Variants in SYNE2 observed in about 807,000 individuals in gnomAD.
The protein encoded by SYNE2 is spectrin repeat containing nuclear envelope protein 2.
Under a neutral mutation model 856.3 loss-of-function variants are expected in SYNE2, and 431 were observed. That is an observed-to-expected ratio of 0.50 (90% confidence interval 0.47 to 0.55). SYNE2 has a LOEUF of 0.55. Among genes scored for constraint, SYNE2 ranks in the 20% least tolerant of loss-of-function variants. The pLI is 0.00. For synonymous variants in SYNE2, 2,923 were observed against 2,872.3 expected, an observed-to-expected ratio of 1.02 and a Z score of -0.56; for missense variants, 8,129 against 8,023.2, an observed-to-expected ratio of 1.01 and a Z score of -0.50.
chr14:64,004,942 T>C (rs1047199245), intron 30 of SYNE2, among the ~76,000 whole-genome samples: 1 of 152,008 alleles, frequency 6.6e-6, no homozygotes, highest in Non-Finnish European at 1.5e-5. Flanking sequence ...TTGAACAGGG[T>C]AATCAGGGAA....
At chr14:64,163,613 C>G in intron 89 of SYNE2, 32 bp downstream of exon 89, 1 of 1,612,416 alleles carries the variant, frequency 6.2e-7, no homozygotes, top group Non-Finnish European at 8.5e-7. Context: ...AAGTTTTAGT[C>G]TTAGACATTT....
At position 64,143,791 on chromosome 14, in the gene SYNE2, A is replaced by T. The variant is rs769864781; in HGVS notation, c.15326A>T (p.Asp5109Val). The T allele has an allele frequency of 6.2e-7, 1 of 1,614,188 alleles. No homozygotes were observed. The highest frequency in any genetic ancestry group is 1.7e-5 in the Admixed American group (1 of 60,028). The change falls in exon 83 of 116, where the codon GAC (aspartate) becomes GTC (valine). Residue 5109 changes from aspartate to valine, a missense_variant. Physicochemically the swap from Asp to Val is radical, Grantham distance 152. Coordinates refer to ENST00000555002, the MANE Select transcript of SYNE2 (RefSeq NM_182914.3). ...TTTTAGGAGTTTAGAATGGAAATGG[A>T]CTATAAACAGTGGATAGTTGACTTC... Reference protein sequence around the residue: ...QKHKEFRMEMDYKQWIVDFVN... With the variant: ...QKHKEFRMEMVYKQWIVDFVN...
In SYNE2 at chr14:64,175,016, C is replaced by G; in HGVS notation, c.17308C>G (p.Leu5770Val). Residue 5770 changes from leucine to valine, a missense_variant, in exon 95 of 116, where the codon CTC (leucine) becomes GTC (valine). Physicochemically the swap from Leu to Val is conservative, Grantham distance 32 (BLOSUM62 1). Coordinates refer to ENST00000555002, the MANE Select transcript of SYNE2 (RefSeq NM_182914.3). ...CTTGGAAGCTGGAGAAAAGTTACTG[C>G]TCACAACTGACCTGAAAACTAAAGA... ...LTLEAGEKLL[L>V]TTDLKTKESV... is the part of the protein sequence containing the mutation. 1 of 1,614,138 alleles carries G rather than the reference C, an allele frequency of 6.2e-7. No individual in the cohort carries two copies. Among genetic ancestry groups the G allele is most frequent in the Non-Finnish European group, 8.5e-7 (1 of 1,180,022 alleles).
intron 1 of SYNE2, among the ~76,000 whole-genome samples, chr14:63,812,864 A>T (rs1342110822): frequency 2.6e-5 from 4 of 152,198 alleles, no homozygotes; most frequent in Admixed American, 2.0e-4. Context: ...AAACCTGCAC[A>T]TTCTGCACAT....
At chr14:63,966,561 T>C (rs1173860054) in intron 10 of SYNE2, among the ~76,000 whole-genome samples, 3 of 149,276 alleles carry the variant, frequency 2.0e-5, no homozygotes, top group Non-Finnish European at 4.4e-5. Context: ...TCAGTAACTC[T>C]TTTTTTTCCC....
chr14:63,913,466 C>CTTT (rs200165004), intron 2 of SYNE2, among the ~76,000 whole-genome samples: 10 of 139,598 alleles, frequency 7.2e-5, no homozygotes, highest in African/African-American at 1.3e-4. Flanking sequence ...TTCTTTCTTT[C>CTTT]TTTTTTTTTT....
At chr14:63,824,586 C>G (rs1486394947) in intron 1 of SYNE2, among the ~76,000 whole-genome samples, 3 of 149,850 alleles carry the variant, frequency 2.0e-5, no homozygotes, top group Non-Finnish European at 4.4e-5. Context: ...TTGCAGTGAG[C>G]TGAGATGGCA....
At chr14:64,036,853 G>A (rs1245827940) in intron 45 of SYNE2, among the ~76,000 whole-genome samples, 1 of 152,148 alleles carries the variant, frequency 6.6e-6, no homozygotes, top group Non-Finnish European at 1.5e-5. Flanking sequence ...AGGCAGTGAG[G>A]ATCCCCACAT....
rs547921491 is a variant in SYNE2, at chr14:63,992,371, G to T, written c.2646+1256G>T. Among the ~76,000 whole-genome samples the T allele has an allele frequency of 3.6e-3, 540 of 152,102 alleles. 2 individuals are homozygous for T. The highest frequency in any genetic ancestry group is 5.4e-3 in the Non-Finnish European group (370 of 67,996). On this transcript the variant is annotated intron_variant, in intron 21 of 115. Transcript: ENST00000555002. ...AGCTCACTGCAGCCTCCAACTCCTGGGCTCAAGCTATCCTCCTGCCTCAGC... is the reference window on the plus strand; with the variant it reads ...AGCTCACTGCAGCCTCCAACTCCTGTGCTCAAGCTATCCTCCTGCCTCAGC...
chr14:64,136,146 T>G lies in SYNE2; in HGVS notation c.14647-1641T>G, dbSNP rs796719778. Among the ~76,000 whole-genome samples the G allele has an allele frequency of 8.6e-5, 13 of 151,998 alleles. No homozygotes were observed. The East Asian group carries it at 1.9e-3, about 23-fold the overall frequency. On this transcript the variant is annotated intron_variant, in intron 78 of 115. Transcript: ENST00000555002. ...CTCTACTAAAAATACAAAAATTAGCTGGGTGTGGTGGCACGTGCCTATAAT... is the reference window on the plus strand; with the variant it reads ...CTCTACTAAAAATACAAAAATTAGCGGGGTGTGGTGGCACGTGCCTATAAT...
intron 2 of SYNE2, 94 bp downstream of exon 2, chr14:63,909,321 G>A: frequency 2.6e-6 from 2 of 764,418 alleles, no homozygotes; most frequent in East Asian, 2.5e-5. Flanking sequence ...TCTCTCTTAT[G>A]GAGATAAATA....
chr14:64,094,863 T>G (rs1388637034), intron 61 of SYNE2, among the ~76,000 whole-genome samples: 1 of 152,208 alleles, frequency 6.6e-6, no homozygotes, highest in African/African-American at 2.4e-5. Flanking sequence ...CACTACATAT[T>G]AATAGGAATA....
intron 1 of SYNE2, among the ~76,000 whole-genome samples, chr14:63,767,343 C>T (rs1200769346): frequency 1.3e-5 from 2 of 152,084 alleles, no homozygotes; most frequent in African/African-American, 4.8e-5. Flanking sequence ...CTCCTGACCT[C>T]AAGTAATCCG....
At chr14:64,073,749 C>T (rs370553222) in intron 52 of SYNE2, among the ~76,000 whole-genome samples, 6 of 152,064 alleles carry the variant, frequency 3.9e-5, no homozygotes, top group African/African-American at 9.7e-5. Context: ...GTATTTGAGG[C>T]GAAAGATTTG....
At position 63,976,501 on chromosome 14, in the gene SYNE2, G is replaced by A. The variant is rs181747876; in HGVS notation, c.1129-62G>A. Reference sequence around the variant, plus strand: ...TCAAAGAATCAAACATACTGTATGTGAAGAAATAAACTAGAAAAGTTCTAC... The same window carrying A: ...TCAAAGAATCAAACATACTGTATGTAAAGAAATAAACTAGAAAAGTTCTAC... On this transcript the variant is annotated intron_variant, in intron 11 of 115. Coordinates refer to ENST00000555002, the MANE Select transcript of SYNE2 (RefSeq NM_182914.3). 2.3e-5 allele frequency: 36 copies of A among 1,545,706 alleles called. No homozygotes were observed. The East Asian group carries it at 7.9e-4, about 34-fold the overall frequency.
intron 48 of SYNE2, among the ~76,000 whole-genome samples, chr14:64,055,518 G>A (rs955257403): frequency 4.0e-5 from 6 of 151,696 alleles, no homozygotes; most frequent in African/African-American, 7.3e-5. Context: ...ACAGGCGCGC[G>A]CCACCACACC....
chr14:63,978,618 G>A (rs970857991), intron 13 of SYNE2, among the ~76,000 whole-genome samples: 1 of 152,126 alleles, frequency 6.6e-6, no homozygotes, highest in Non-Finnish European at 1.5e-5. Flanking sequence ...TCGGAGAATA[G>A]TTTATTCAGA....
intron 39 of SYNE2, 64 bp from the exon 40 acceptor site, chr14:64,024,848 C>A: frequency 6.3e-7 from 1 of 1,575,500 alleles, no homozygotes. Flanking sequence ...TTTGTGCCAT[C>A]CTTTTCTTTG....
chr14:63,846,449 A>AT (rs1164584184), intron 1 of SYNE2, among the ~76,000 whole-genome samples: 2 of 151,926 alleles, frequency 1.3e-5, no homozygotes, highest in African/African-American at 4.8e-5. Context: ...TTAGTCACCG[A>AT]TTTTTTTACA....
Sources: allele counts gnomAD v4.1 joint callset (sites outside exome capture counted in the v4.1 genomes callset), GRCh38; gene constraint gnomAD v4.1.1; transcripts MANE v1.5; gene names NCBI Gene and HGNC (gene_info 2026-07-23, HGNC 2026-07-21).